Variants in GJD4 observed in about 807,000 individuals in gnomAD.
GJD4 encodes gap junction delta-4 protein.
In GJD4, 18 loss-of-function variants were observed where a neutral mutation model predicts 17.9. The ratio of observed to expected loss-of-function variants is 1.00; its 90% CI spans 0.69 to 1.49. The LOEUF (loss-of-function observed/expected upper bound fraction) is 1.49. Among genes scored for constraint, GJD4 ranks in the 40% most tolerant of loss-of-function variants. GJD4 has a pLI of 0.00. For missense variants in GJD4, 639 were observed against 506.9 expected, an observed-to-expected ratio of 1.26 and a Z score of -2.50; for synonymous variants, 293 against 236.8, an observed-to-expected ratio of 1.24 and a Z score of -2.18.
intron 1 of GJD4, chr10:35,606,255 C>G (rs768510453): frequency 3.3e-5 from 5 of 152,390 alleles, no homozygotes; most frequent in Non-Finnish European, 1.5e-5. Flanking sequence ...CCGTGTTAGC[C>G]AGGATGGTCT....
Position 35,607,811 on chromosome 10 carries a change from G to A in GJD4, c.298G>A (p.Gly100Arg). Reference protein sequence around the residue: ...AVFSVYVLHRGATLAALGPRR... With the variant: ...AVFSVYVLHRRATLAALGPRR... ...CTTCAGCGTCTATGTCCTGCACCGA[G>A]GAGCCACGCTCGCCGCGCTGGGCCC... Residue 100 changes from glycine (G) to arginine (R), a missense_variant, in exon 2 of 2, where the codon GGA becomes AGA. By Grantham distance (125) the Gly-to-Arg change is moderately radical. Transcript: ENST00000321660. The A allele has an allele frequency of 1.9e-6, 3 of 1,602,394 alleles. No homozygotes were observed. Among genetic ancestry groups the A allele is most frequent in the Non-Finnish European group, 2.5e-6 (3 of 1,179,814 alleles).
rs906012374 is a variant in GJD4 at position 35,608,161 on chromosome 10, G to C, written c.648G>C (p.Leu216=). Residue 216 remains leucine (L), a synonymous_variant, in exon 2 of 2, where the codon CTG becomes CTC. Coordinates refer to ENST00000321660, the MANE Select transcript of GJD4 (RefSeq NM_153368.3). ...CTTTTCTGCTGGGCCTCGCCGACCT[G>C]GTCTGCAGCCTGCGGCGGCGGATGC... ...ALSFLLGLAD[L]VCSLRRRMRR... 3.7e-6 allele frequency: 6 copies of C among 1,605,022 alleles called. No individual in the cohort carries two copies. Among genetic ancestry groups the C allele is most frequent in the Admixed American group, 3.4e-5 (2 of 59,348 alleles).
chr10:35,608,380 G>C lies in GJD4; in HGVS notation c.867G>C (p.Lys289Asn), dbSNP rs1289444958. ...CATCCAGGGTGTCAGGGCACACGAA[G>C]ATTCCGGATGAGGATGAGAGTGAGG... Reference protein sequence around the residue: ...RRTSRVSGHTKIPDEDESEVT... With the variant: ...RRTSRVSGHTNIPDEDESEVT... The change falls in exon 2 of 2, where the codon AAG becomes AAC. Residue 289 changes from lysine to asparagine, a missense_variant. By Grantham distance (94) the Lys-to-Asn change is moderately conservative. Transcript: ENST00000321660. The C allele has an allele frequency of 6.4e-7, 1 of 1,551,854 alleles. No individual in the cohort carries two copies. Among genetic ancestry groups the C allele is most frequent in the Non-Finnish European group, 8.7e-7 (1 of 1,148,182 alleles).
In GJD4 at chr10:35,607,659, AG is replaced by A. The variant is rs745342688; in HGVS notation, c.148del (p.Glu50ArgfsTer30). The A allele has an allele frequency of 8.1e-6, 13 of 1,614,088 alleles. No homozygotes were observed. Among genetic ancestry groups the A allele is most frequent in the Non-Finnish European group, 1.1e-5 (13 of 1,180,046 alleles). On this transcript the variant is annotated frameshift_variant, in exon 2 of 2. Transcript: ENST00000321660. LOFTEE classifies it low-confidence loss of function (END_TRUNC). Reference protein sequence around the residue: ...LAGRPVYQDEQERFVCNTLQP... With the variant: ...LAGRPVYQDEXERFVCNTLQP... ...GGGCGACCCGTCTACCAGGACGAGC[AG>A]GAGAGGTTTGTCTGCAACACGCTGC... is the stretch of plus-strand genomic sequence containing the variant.
chr10:35,606,859 G>A (rs1320471590), intron 1 of GJD4: 1 of 152,164 alleles, frequency 6.6e-6, no homozygotes, highest in Non-Finnish European at 1.5e-5. Flanking sequence ...TGGAAAAGGG[G>A]AAGAGGAATT....
At chr10:35,607,491 A>G in intron 1 of GJD4, 87 bp from the exon 2 acceptor site, 1 of 844,828 alleles carries the variant, frequency 1.2e-6, no homozygotes, top group Non-Finnish European at 1.9e-6. Flanking sequence ...TCAATTTCCC[A>G]ATCTCAGCCC....
chr10:35,608,114 C>T lies in GJD4; in HGVS notation c.601C>T (p.Leu201Phe), dbSNP rs1835484764. 1 of 1,610,102 alleles carries T rather than the reference C, an allele frequency of 6.2e-7. No homozygotes were observed. Among genetic ancestry groups the T allele is most frequent in the South Asian group, 1.1e-5 (1 of 90,828 alleles). The change falls in exon 2 of 2, where the codon CTC (leucine) becomes TTC (phenylalanine). Residue 201 changes from leucine to phenylalanine, a missense_variant. Coordinates refer to ENST00000321660, the MANE Select transcript of GJD4 (RefSeq NM_153368.3). ...AGAGAAGTCCCTGCTGATGCTGTTCCTCTGGGCGGTCAGCGCGCTGTCTTT... is the reference window on the plus strand; with the variant it reads ...AGAGAAGTCCCTGCTGATGCTGTTCTTCTGGGCGGTCAGCGCGCTGTCTTT... Reference protein sequence around the residue: ...PTEKSLLMLFLWAVSALSFLL... With the variant: ...PTEKSLLMLFFWAVSALSFLL...
rs375675595 is a variant in GJD4, at chr10:35,608,852, C to T, written c.*226C>T. 7.3e-6 allele frequency: 3 copies of T among 410,870 alleles called. No homozygotes were observed. The highest frequency in any genetic ancestry group is 2.1e-5 in the African/African-American group (1 of 46,554). 25.5% of individuals were successfully genotyped at this position (410,870 alleles called of 1,614,324 possible). On this transcript the variant is annotated 3_prime_UTR_variant, in exon 2 of 2. Coordinates refer to ENST00000321660, the MANE Select transcript of GJD4 (RefSeq NM_153368.3). ...ACTTGGGAGGCTGAGATGGGAGGAC[C>T]ATTTGAGCCTGGGAGATCGAGGCTG...
rs1415325813 is a variant in GJD4 at position 35,608,285 on chromosome 10, G to A, written c.772G>A (p.Glu258Lys). The A allele has an allele frequency of 1.9e-6, 3 of 1,552,160 alleles. No individual in the cohort carries two copies. Among genetic ancestry groups the A allele is most frequent in the Non-Finnish European group, 2.6e-6 (3 of 1,151,664 alleles). Reference sequence around the variant, plus strand: ...CCGGACTGACGAGGAGGGTGGGCGGGAGGAAGAGGGGGCACCGGCGCCCCC... The same window carrying A: ...CCGGACTGACGAGGAGGGTGGGCGGAAGGAAGAGGGGGCACCGGCGCCCCC... ...GRRTDEEGGR[E>K]EEGAPAPPGA... Residue 258 changes from glutamate to lysine, a missense_variant, in exon 2 of 2, where the codon GAG becomes AAG. Coordinates refer to ENST00000321660, the MANE Select transcript of GJD4 (RefSeq NM_153368.3).
In GJD4 at chr10:35,608,613, C is replaced by CT. The variant is rs1835497762; in HGVS notation, c.1101dup (p.Glu368Ter). On this transcript the variant is annotated frameshift_variant, in exon 2 of 2. Coordinates refer to ENST00000321660, the MANE Select transcript of GJD4 (RefSeq NM_153368.3). LOFTEE classifies it high-confidence loss of function. ...GCTCCCCACCTGAGAGCCAGGAAGT[C>CT]TGAGTGGGTGTGAAAAAAACAGCAC... 6.7e-7 allele frequency: 1 copy of CT among 1,500,216 alleles called. No individual in the cohort carries two copies. Among genetic ancestry groups the CT allele is most frequent in the African/African-American group, 1.4e-5 (1 of 70,948 alleles). 92.9% of individuals were successfully genotyped at this position (1,500,216 alleles called of 1,614,324 possible). A position where few individuals can be genotyped will look rare whatever the true frequency, so the allele number is the denominator to read the frequency against.
At position 35,608,429 on chromosome 10, in the gene GJD4, C is replaced by T; in HGVS notation, c.916C>T (p.Leu306=). ...SEVTSSASEK[L]GRQPRGRPHR... ...GGTGACATCCTCCGCCAGCGAAAAG[C>T]TGGGCAGACAGCCCCGGGGCAGGCC... The change falls in exon 2 of 2, where the codon CTG becomes TTG. Residue 306 remains leucine, a synonymous_variant. Coordinates refer to ENST00000321660, the MANE Select transcript of GJD4 (RefSeq NM_153368.3). 6.5e-7 allele frequency: 1 copy of T among 1,549,328 alleles called. No individual in the cohort carries two copies. The highest frequency in any genetic ancestry group is 8.7e-7 in the Non-Finnish European group (1 of 1,146,912).
chr10:35,608,271 A>G lies in GJD4; in HGVS notation c.758A>G (p.Glu253Gly). 1 of 1,522,724 alleles carries G rather than the reference A, an allele frequency of 6.6e-7. No homozygotes were observed. Among genetic ancestry groups the G allele is most frequent in the Non-Finnish European group, 8.8e-7 (1 of 1,131,678 alleles). 94.3% of individuals were successfully genotyped at this position (1,522,724 alleles called of 1,614,324 possible). A position where few individuals can be genotyped will look rare whatever the true frequency, so the allele number is the denominator to read the frequency against. The stretch of plus-strand genomic sequence containing the variant: ...CACGCGGAGGGACGCCGGACTGACG[A>G]GGAGGGTGGGCGGGAGGAAGAGGGG... ...SGHAEGRRTDEEGGREEEGAP... is the reference protein window; with the variant it reads ...SGHAEGRRTDGEGGREEEGAP... The change falls in exon 2 of 2, where the codon GAG becomes GGG. Residue 253 changes from glutamate (E) to glycine (G), a missense_variant. Physicochemically the swap from Glu to Gly is moderately conservative, Grantham distance 98 (BLOSUM62 -2). Coordinates refer to ENST00000321660, the MANE Select transcript of GJD4 (RefSeq NM_153368.3).
Position 35,608,094 on chromosome 10 carries a change from A to C in GJD4, c.581A>C (p.Lys194Thr). The change falls in exon 2 of 2, where the codon AAG becomes ACG. Residue 194 changes from lysine to threonine, a missense_variant. By Grantham distance (78) the Lys-to-Thr change is moderately conservative. Transcript: ENST00000321660. ...VDCYVSRPTE[K>T]SLLMLFLWAV... ...TGCTACGTGTCGCGGCCCACAGAGA[A>C]GTCCCTGCTGATGCTGTTCCTCTGG... The C allele has an allele frequency of 5.0e-6, 8 of 1,609,254 alleles. No homozygotes were observed. The highest frequency in any genetic ancestry group is 6.8e-6 in the Non-Finnish European group (8 of 1,177,998).
intron 1 of GJD4, 115 bp from the exon 2 acceptor site, chr10:35,607,463 G>A (rs1835469024): frequency 1.4e-6 from 1 of 701,308 alleles, no homozygotes; most frequent in Non-Finnish European, 2.4e-6. Context: ...GAAAACTAAA[G>A]ACATGCTTAT....
In GJD4 at chr10:35,607,724, C is replaced by A. The variant is rs1333380807; in HGVS notation, c.211C>A (p.Pro71Thr). The change falls in exon 2 of 2, where the codon CCC becomes ACC. Residue 71 changes from proline to threonine, a missense_variant. Coordinates refer to ENST00000321660, the MANE Select transcript of GJD4 (RefSeq NM_153368.3). ...CANVCYDVFS[P>T]VSHLRFWLIQ... Reference sequence around the variant, plus strand: ...CAATGTTTGCTACGACGTCTTCTCCCCCGTGTCTCACCTGCGGTTCTGGCT... The same window carrying A: ...CAATGTTTGCTACGACGTCTTCTCCACCGTGTCTCACCTGCGGTTCTGGCT... 1 of 1,613,898 alleles carries A rather than the reference C, an allele frequency of 6.2e-7. No individual in the cohort carries two copies. Among genetic ancestry groups the A allele is most frequent in the East Asian group, 2.2e-5 (1 of 44,880 alleles).
Position 35,607,642 on chromosome 10 carries a change from C to A in GJD4, c.129C>A (p.Pro43=). 1 of 1,614,208 alleles carries A rather than the reference C, an allele frequency of 6.2e-7. No homozygotes were observed. Among genetic ancestry groups the A allele is most frequent in the Non-Finnish European group, 8.5e-7 (1 of 1,180,028 alleles). The part of the protein sequence containing the change: ...RMLVIVLAGR[P]VYQDEQERFV... ...TGGTGATTGTCTTGGCGGGGCGACC[C>A]GTCTACCAGGACGAGCAGGAGAGGT... The change falls in exon 2 of 2, where the codon CCC becomes CCA. Residue 43 remains proline, a synonymous_variant. Transcript: ENST00000321660.
In GJD4 at chr10:35,608,536, C is replaced by T. The variant is rs1157256790; in HGVS notation, c.1023C>T (p.Pro341=). The change falls in exon 2 of 2, where the codon CCC becomes CCT. Residue 341 remains proline (P), a synonymous_variant. Transcript: ENST00000321660. ...CAGCCCCCAGCCGCCTGGCCGCGCC[C>T]CCTTCCTGCAGCAGCCTGCAGCCCC... ...PSAAPSRLAA[P]PSCSSLQPPD... 6.4e-7 allele frequency: 1 copy of T among 1,558,668 alleles called. No individual in the cohort carries two copies. The highest frequency in any genetic ancestry group is 1.4e-5 in the African/African-American group (1 of 73,364).
intron 1 of GJD4, 94 bp downstream of exon 1, chr10:35,605,725 T>C (rs967646712): frequency 9.8e-7 from 1 of 1,015,514 alleles, no homozygotes; most frequent in Admixed American, 2.0e-5. Context: ...TATTTACTCA[T>C]TTTCAGTGTG....
chr10:35,607,714 C>A lies in GJD4; in HGVS notation c.201C>A (p.Asp67Glu). Residue 67 changes from aspartate to glutamate, a missense_variant, in exon 2 of 2, where the codon GAC becomes GAA. Asp to Glu is a conservative substitution (Grantham distance 45). Coordinates refer to ENST00000321660, the MANE Select transcript of GJD4 (RefSeq NM_153368.3). ...CGGGATGCGCCAATGTTTGCTACGACGTCTTCTCCCCCGTGTCTCACCTGC... is the reference window on the plus strand; with the variant it reads ...CGGGATGCGCCAATGTTTGCTACGAAGTCTTCTCCCCCGTGTCTCACCTGC... The part of the protein sequence containing the change: ...LQPGCANVCY[D>E]VFSPVSHLRF... 6.2e-7 allele frequency: 1 copy of A among 1,614,026 alleles called. No individual in the cohort carries two copies. The highest frequency in any genetic ancestry group is 8.5e-7 in the Non-Finnish European group (1 of 1,180,042).
Sources: gnomAD v4.1 joint callset for allele counts on GRCh38, gnomAD v4.1.1 for gene constraint, MANE v1.5 for transcripts, NCBI Gene and HGNC (gene_info 2026-07-23, HGNC 2026-07-21) for gene names.